ROCK1: variants seen among roughly 807,000 people sequenced by gnomAD.
ROCK1 encodes the protein rho-associated protein kinase 1.
ROCK1 carries 36 observed loss-of-function variants against 196.8 expected under a neutral mutation model. The observed-to-expected ratio is 0.18, with a 90% CI of 0.14 to 0.24. The LOEUF (loss-of-function observed/expected upper bound fraction) is 0.24, where lower values mean the gene tolerates loss of function less well. Among genes scored for constraint, ROCK1 ranks in the 10% least tolerant of loss-of-function variants. ROCK1 has a pLI of 1.00. For synonymous variants in ROCK1, 443 were observed against 515.9 expected (o/e 0.86, Z 1.91); for missense variants, 920 against 1,562.0 (o/e 0.59, Z 6.93).
In ROCK1 at chr18:20,947,390, A is replaced by G. The variant is rs2035139209; in HGVS notation, c.*3994T>C. 2 of 152,128 alleles carry G rather than the reference A, an allele frequency of 1.3e-5. No individual in the cohort carries two copies. The highest frequency in any genetic ancestry group is 2.9e-5 in the Non-Finnish European group (2 of 68,024). 9.4% of individuals were successfully genotyped at this position (152,128 alleles called of 1,614,324 possible). On this transcript the variant is annotated 3_prime_UTR_variant, in exon 33 of 33. Coordinates refer to ENST00000399799, the MANE Select transcript of ROCK1 (RefSeq NM_005406.3). ...ATTTAATTTATTGCAATAAGCATAG[A>G]TCTTGTCCAGAAAAAAAACACTAAA...
chr18:21,099,128 T>A (rs1464388562), intron 1 of ROCK1, among the ~76,000 whole-genome samples: 1 of 152,154 alleles, frequency 6.6e-6, no homozygotes, highest in Non-Finnish European at 1.5e-5. Context: ...ACAACTCAAA[T>A]GTCCATCCAT....
At chr18:21,095,085 C>T (rs1278552128) in intron 1 of ROCK1, among the ~76,000 whole-genome samples, 2 of 146,596 alleles carry the variant, frequency 1.4e-5, no homozygotes, top group African/African-American at 2.5e-5. Context: ...ATACAAATGG[C>T]AAACAAGTAT....
At chr18:21,095,050 C>T (rs1045604548) in intron 1 of ROCK1, among the ~76,000 whole-genome samples, 2 of 53,784 alleles carry the variant, frequency 3.7e-5, no homozygotes, top group African/African-American at 1.1e-4. Context: ...AACTCTGTCT[C>T]AAAAAAAAAA....
intron 10 of ROCK1, among the ~76,000 whole-genome samples, chr18:21,026,200 T>C (rs1389247456): frequency 1.3e-5 from 2 of 152,114 alleles, no homozygotes; most frequent in Admixed American, 1.3e-4. Flanking sequence ...ATCCCAGCAC[T>C]TTGGGAGGCC....
Position 20,966,995 on chromosome 18 carries a change from C to G in ROCK1, c.3274G>C (p.Ala1092Pro). ...GAATCCGAGAGGTCCAAAAGTTTAG[C>G]ACGCAATTGCTCAATATCACTCTCT... ...SKESDIEQLRAKLLDLSDSTS... is the reference protein window; with the variant it reads ...SKESDIEQLRPKLLDLSDSTS... Residue 1092 changes from alanine (A) to proline (P), a missense_variant, in exon 27 of 33, where the codon GCT (alanine) becomes CCT (proline). By Grantham distance (27) the Ala-to-Pro change is conservative. Around this residue, in one of 6 missense-constraint regions of ROCK1, gnomAD observed 116 missense variants for 204.2 expected, o/e 0.57. Coordinates refer to ENST00000399799, the MANE Select transcript of ROCK1 (RefSeq NM_005406.3). 6.2e-7 allele frequency: 1 copy of G among 1,613,380 alleles called. No individual in the cohort carries two copies. The highest frequency in any genetic ancestry group is 8.5e-7 in the Non-Finnish European group (1 of 1,179,320).
intron 9 of ROCK1, among the ~76,000 whole-genome samples, chr18:21,031,684 T>C (rs1217010460): frequency 1.4e-5 from 2 of 146,496 alleles, no homozygotes; most frequent in African/African-American, 5.0e-5. Context: ...CTCAACAAAA[T>C]CTTAAACTCT....
intron 16 of ROCK1, among the ~76,000 whole-genome samples, chr18:21,004,564 A>T (rs1318341243): frequency 2.6e-5 from 4 of 152,242 alleles, no homozygotes; most frequent in Non-Finnish European, 5.9e-5. Context: ...TATCTAAAAA[A>T]TAGATTCAGT....
chr18:21,100,552 AT>A (rs1199040541), intron 1 of ROCK1, among the ~76,000 whole-genome samples: 4 of 151,914 alleles, frequency 2.6e-5, no homozygotes, highest in African/African-American at 9.7e-5. Context: ...CACCAAAAAT[AT>A]TTTTAAATGT....
chr18:21,070,074 A>C (rs2036370814), intron 2 of ROCK1, among the ~76,000 whole-genome samples: 1 of 152,054 alleles, frequency 6.6e-6, no homozygotes, highest in Admixed American at 6.5e-5. Context: ...AGAAATAAAT[A>C]AAGTAAGGAG....
intron 29 of ROCK1, among the ~76,000 whole-genome samples, chr18:20,959,076 ATATATATATTT>A (rs1245906043): frequency 2.5e-5 from 1 of 39,492 alleles, no homozygotes; most frequent in Non-Finnish European, 3.8e-5. Context: ...ATATTATATA[ATATATATATTT>A]TATATAATAT....
At chr18:21,015,019 T>C (rs2035851213) in intron 13 of ROCK1, among the ~76,000 whole-genome samples, 1 of 152,208 alleles carries the variant, frequency 6.6e-6, no homozygotes, top group Non-Finnish European at 1.5e-5. Context: ...TCAATATATT[T>C]TCCATTTGAT....
At chr18:21,045,178 G>T (rs764373698) in intron 5 of ROCK1, 114 bp downstream of exon 5, 1 of 958,264 alleles carries the variant, frequency 1.0e-6, no homozygotes, top group Non-Finnish European at 1.5e-6. Context: ...AGTTCTGAAA[G>T]GTCACTTATG....
intron 17 of ROCK1, 64 bp from the exon 18 acceptor site, chr18:20,991,390 T>C: frequency 9.3e-7 from 1 of 1,070,278 alleles, no homozygotes; most frequent in Non-Finnish European, 1.3e-6. Flanking sequence ...TAGTAAATCT[T>C]ACATTTAATA....
chr18:20,986,939 A>G lies in ROCK1; in HGVS notation c.2304+11T>C. The G allele has an allele frequency of 6.3e-7, 1 of 1,584,240 alleles. No homozygotes were observed. Among genetic ancestry groups the G allele is most frequent in the Non-Finnish European group, 8.5e-7 (1 of 1,170,012 alleles). ...TTAATAGATGAACAAAGTCAGTACT[A>G]TTTTTCTTACTTCATCCTCCATCCT... is the stretch of plus-strand genomic sequence containing the variant. On this transcript the variant is annotated intron_variant, in intron 19 of 32. Coordinates refer to ENST00000399799, the MANE Select transcript of ROCK1 (RefSeq NM_005406.3).
intron 20 of ROCK1, among the ~76,000 whole-genome samples, chr18:20,983,732 A>G (rs1568375237): frequency 6.6e-6 from 1 of 152,202 alleles, no homozygotes; most frequent in Non-Finnish European, 1.5e-5. Flanking sequence ...TTTCACCAAT[A>G]TAAATCCAAT....
intron 6 of ROCK1, among the ~76,000 whole-genome samples, chr18:21,043,423 G>T (rs1293852882): frequency 1.3e-5 from 2 of 151,748 alleles, no homozygotes; most frequent in Non-Finnish European, 2.9e-5. Context: ...TCATACAGAA[G>T]TTCTCATGCA....
chr18:20,976,429 A>G (rs1266750634), intron 22 of ROCK1, among the ~76,000 whole-genome samples: 2 of 152,178 alleles, frequency 1.3e-5, no homozygotes, highest in Non-Finnish European at 2.9e-5. Context: ...CTTTTACATA[A>G]AAATTCAGAT....
chr18:20,979,874 A>T, intron 22 of ROCK1, 36 bp downstream of exon 22: 3 of 1,509,082 alleles, frequency 2.0e-6, no homozygotes, highest in Non-Finnish European at 2.7e-6. Context: ...TGCCTGTTGC[A>T]GTACTGATTC....
At chr18:21,031,305 T>C (rs1416033490) in intron 9 of ROCK1, among the ~76,000 whole-genome samples, 3 of 151,862 alleles carry the variant, frequency 2.0e-5, no homozygotes, top group African/African-American at 4.8e-5. Context: ...ACAGGGAATA[T>C]AGAAAAATGT....
Sources: allele counts gnomAD v4.1 joint callset (sites outside exome capture counted in the v4.1 genomes callset), GRCh38; gene constraint gnomAD v4.1.1; regional missense constraint gnomAD v4.1.1; transcripts MANE v1.5; gene names NCBI Gene and HGNC (gene_info 2026-07-23, HGNC 2026-07-21).